The following ATR variants were observed in gnomAD, a reference collection of about 807,000 sequenced individuals.
ATR encodes the protein ATR checkpoint kinase, also known as serine/threonine-protein kinase ATR.
A neutral mutation model predicts 305.3 loss-of-function variants in ATR; 142 were observed. The ratio of observed to expected loss-of-function variants is 0.47; its 90% CI spans 0.41 to 0.53. The LOEUF is 0.53. Ranked by LOEUF, ATR falls within the 20% of genes least tolerant of loss-of-function variation. ATR has a pLI of 0.00. For missense variants in ATR, 2,135 were observed against 3,133.1 expected (o/e 0.68, Z 7.60); for synonymous variants, 1,050 against 1,068.1 (o/e 0.98, Z 0.33).
intron 27 of ATR, among the ~76,000 whole-genome samples, chr3:142,508,969 A>G (rs1252454326): frequency 6.6e-6 from 1 of 151,638 alleles, no homozygotes; most frequent in Non-Finnish European, 1.5e-5. Context: ...AAGTGCCTTC[A>G]AAGTAAAACC....
At position 142,560,956 on chromosome 3, in the gene ATR, T is replaced by A. The variant is rs191810951; in HGVS notation, c.1349+287A>T. Among the ~76,000 whole-genome samples, 70 of 152,308 alleles carry A rather than the reference T, an allele frequency of 4.6e-4. 1 individual carries two copies. The highest frequency in any genetic ancestry group is 1.6e-3 in the African/African-American group (65 of 41,560). On this transcript the variant is annotated intron_variant, in intron 5 of 46. Coordinates refer to ENST00000350721, the MANE Select transcript of ATR (RefSeq NM_001184.4). ...CTTTATAAAAAATAGTTGGTTAATG[T>A]TTTAAAAATTGCTAATAGATGCACA...
At chr3:142,465,357 T>A in intron 40 of ATR, 117 bp from the exon 41 acceptor site, 1 of 749,574 alleles carries the variant, frequency 1.3e-6, no homozygotes, top group South Asian at 2.3e-5. Flanking sequence ...CTATATTATG[T>A]AGTGAATTTG....
intron 16 of ATR, among the ~76,000 whole-genome samples, chr3:142,543,340 G>GTTCC (rs909550173): frequency 5.3e-5 from 8 of 150,268 alleles, no homozygotes; most frequent in South Asian, 2.1e-4. Context: ...TCCTTCCTTA[G>GTTCC]TTCCTTCCTT....
At chr3:142,503,507 G>A (rs566259183) in intron 29 of ATR, 54 bp from the exon 30 acceptor site, 4 of 1,188,550 alleles carry the variant, frequency 3.4e-6, no homozygotes, top group Non-Finnish European at 1.2e-6. Flanking sequence ...AATAGCTTGG[G>A]GACCAAAAAC....
At chr3:142,526,996 T>C (rs1021744353) in intron 21 of ATR, among the ~76,000 whole-genome samples, 5 of 152,010 alleles carry the variant, frequency 3.3e-5, no homozygotes, top group Non-Finnish European at 7.4e-5. Context: ...GCTATATTGC[T>C]CAGGCTGGTC....
intron 1 of ATR, among the ~76,000 whole-genome samples, chr3:142,574,904 G>A (rs2035389368): frequency 6.6e-6 from 1 of 152,220 alleles, no homozygotes; most frequent in African/African-American, 2.4e-5. Flanking sequence ...TGTGGCTAAA[G>A]CCTTTAGAGA....
At chr3:142,546,131 A>T (rs1358965513) in intron 16 of ATR, among the ~76,000 whole-genome samples, 2 of 152,160 alleles carry the variant, frequency 1.3e-5, no homozygotes, top group East Asian at 3.8e-4. Context: ...AGGAAATACC[A>T]CTAGAACAGA....
At chr3:142,509,178 T>A (rs980613043) in intron 27 of ATR, among the ~76,000 whole-genome samples, 10 of 152,050 alleles carry the variant, frequency 6.6e-5, no homozygotes, top group East Asian at 3.9e-4. Context: ...ACTTACTTTT[T>A]AAAAAAAATT....
chr3:142,553,703 G>C lies in ATR; in HGVS notation c.2570C>G (p.Ala857Gly). The C allele has an allele frequency of 6.2e-7, 1 of 1,612,874 alleles. No homozygotes were observed. Among genetic ancestry groups the C allele is most frequent in the Non-Finnish European group, 8.5e-7 (1 of 1,179,120 alleles). ...VLRMKEAYTH[A>G]QISRNNELKD... is the part of the protein sequence containing the mutation. ...CAGCTCATTATTTCTTGATATTTGG[G>C]CATGTGTATATGCTTCCTTCATTCT... The change falls in exon 12 of 47, where the codon GCC becomes GGC. Residue 857 changes from alanine (A) to glycine (G), a missense_variant. Ala to Gly is a moderately conservative substitution (Grantham distance 60). This residue lies in a region of ATR where 530 missense variants were observed against 766.8 expected (regional missense o/e 0.69). Transcript: ENST00000350721.
rs141783863 is a variant in ATR, at chr3:142,553,256, A to G, written c.2776T>C (p.Phe926Leu). 1.5e-3 allele frequency: 2,438 copies of G among 1,614,180 alleles called. No homozygotes were observed. Among genetic ancestry groups the G allele is most frequent in the Non-Finnish European group, 1.9e-3 (2,223 of 1,180,014 alleles). Residue 926 changes from phenylalanine (F) to leucine (L), a missense_variant, in exon 13 of 47, where the codon TTC (phenylalanine) becomes CTC (leucine). Coordinates refer to ENST00000350721, the MANE Select transcript of ATR (RefSeq NM_001184.4). ...CAGATGGGTTTCTTATACTGGCTGA[A>G]AAAACTTTGCAGTTTAACACTTTTA... ...AAKSVKLQSF[F>L]SQYKKPICQF...
chr3:142,537,803 T>C (rs1447532054), intron 19 of ATR, among the ~76,000 whole-genome samples: 4 of 152,122 alleles, frequency 2.6e-5, no homozygotes, highest in African/African-American at 9.7e-5. Context: ...GAATCAAAAA[T>C]ACAAATGGGA....
chr3:142,563,145 G>A (rs2108489003), intron 3 of ATR, 36 bp from the exon 4 acceptor site: 1 of 1,567,118 alleles, frequency 6.4e-7, no homozygotes, highest in Non-Finnish European at 8.7e-7. Flanking sequence ...AAATAAACAA[G>A]TATATCCGAA....
At chr3:142,493,512 T>G (rs2031412230) in intron 34 of ATR, among the ~76,000 whole-genome samples, 1 of 152,226 alleles carries the variant, frequency 6.6e-6, no homozygotes, top group Non-Finnish European at 1.5e-5. Context: ...ATTTTATAAC[T>G]GCAGTTGGCT....
chr3:142,486,456 T>G (rs2030931301), intron 35 of ATR, among the ~76,000 whole-genome samples: 1 of 152,100 alleles, frequency 6.6e-6, no homozygotes, highest in Admixed American at 6.6e-5. Context: ...TGCCTTCCTT[T>G]CTTCCTCCTT....
chr3:142,514,153 G>A (rs2032739024), intron 25 of ATR, among the ~76,000 whole-genome samples: 2 of 151,772 alleles, frequency 1.3e-5, no homozygotes, highest in South Asian at 4.2e-4. Context: ...GGTGCCTGTA[G>A]TTCCAGATAC....
intron 23 of ATR, among the ~76,000 whole-genome samples, chr3:142,520,683 T>C (rs1057382383): frequency 6.6e-6 from 1 of 152,014 alleles, no homozygotes; most frequent in African/African-American, 2.4e-5. Context: ...GAAAAAAAGT[T>C]TGAAGTGATA....
At chr3:142,568,322 C>T (rs1295487143) in intron 1 of ATR, among the ~76,000 whole-genome samples, 168 bp from the exon 2 acceptor site, 2 of 151,756 alleles carry the variant, frequency 1.3e-5, no homozygotes, top group Non-Finnish European at 2.9e-5. Flanking sequence ...TACCAACTTA[C>T]AAGAAAAAAA....
At chr3:142,532,266 G>T (rs886362639) in intron 21 of ATR, among the ~76,000 whole-genome samples, 1 of 151,968 alleles carries the variant, frequency 6.6e-6, no homozygotes, top group African/African-American at 2.4e-5. Context: ...ATTTTCAATA[G>T]CCTCTTCTCT....
rs2108266285 is a variant in ATR, at chr3:142,462,074, G to A, written c.7058C>T (p.Ala2353Val). ...ATGAAGTTCTCTTCTACGAGACTCT[G>A]CATCTTTTCTTAAGCACTGTTAAAA... is the stretch of plus-strand genomic sequence containing the variant. The part of the protein sequence containing the change: ...SLINKCLRKD[A>V]ESRRRELHIR... Residue 2353 changes from alanine (A) to valine (V), a missense_variant, in exon 42 of 47, where the codon GCA becomes GTA. Transcript: ENST00000350721. 6.2e-7 allele frequency: 1 copy of A among 1,612,278 alleles called. No homozygotes were observed. The highest frequency in any genetic ancestry group is 8.5e-7 in the Non-Finnish European group (1 of 1,179,148).
Sources: allele counts gnomAD v4.1 joint callset (sites outside exome capture counted in the v4.1 genomes callset), GRCh38; gene constraint gnomAD v4.1.1; regional missense constraint gnomAD v4.1.1; transcripts MANE v1.5; gene names NCBI Gene and HGNC (gene_info 2026-07-23, HGNC 2026-07-21).